CCDC191: variants seen among roughly 807,000 people sequenced by gnomAD.
CCDC191 encodes the protein coiled-coil domain containing 191.
A neutral mutation model predicts 114.0 loss-of-function variants in CCDC191; 99 were observed. The observed-to-expected ratio is 0.87, with a 90% CI of 0.74 to 1.03. The LOEUF is 1.03. Ranked by LOEUF, CCDC191 falls within the 50% of genes least tolerant of loss-of-function variation. The probability of loss-of-function intolerance (pLI) is 0.00; values close to 1 mark genes in which losing one functional copy is unlikely to be tolerated. For missense variants in CCDC191, 973 were observed against 1,087.0 expected, an observed-to-expected ratio of 0.90 and a Z score of 1.47; for synonymous variants, 351 against 376.0, an observed-to-expected ratio of 0.93 and a Z score of 0.77.
intron 13 of CCDC191, among the ~76,000 whole-genome samples, chr3:113,985,992 G>A (rs1354006168): frequency 6.6e-6 from 1 of 152,096 alleles, no homozygotes; most frequent in Admixed American, 6.6e-5. Flanking sequence ...TCAGAACAAG[G>A]CTCAGATATG....
intron 6 of CCDC191, among the ~76,000 whole-genome samples, chr3:114,033,100 T>TA (rs978777834): frequency 6.7e-6 from 1 of 148,778 alleles, no homozygotes; most frequent in African/African-American, 2.5e-5. Context: ...TTTTTTTTTT[T>TA]ATTTTCTGTT....
intron 2 of CCDC191, among the ~76,000 whole-genome samples, chr3:114,048,831 T>C (rs565986206): frequency 1.3e-5 from 2 of 152,356 alleles, no homozygotes; most frequent in East Asian, 1.9e-4. Context: ...AAGGAGAACC[T>C]GGCACCAAGA....
At chr3:114,021,406 A>G (rs953265013) in intron 7 of CCDC191, among the ~76,000 whole-genome samples, 1 of 152,016 alleles carries the variant, frequency 6.6e-6, no homozygotes, top group African/African-American at 2.4e-5. Context: ...TTGACTTGCT[A>G]TTGGTTTTTT....
At chr3:113,969,347 G>T (rs1467893861) in intron 16 of CCDC191, among the ~76,000 whole-genome samples, 1 of 152,140 alleles carries the variant, frequency 6.6e-6, no homozygotes, top group South Asian at 2.1e-4. Context: ...AAACTTTTTA[G>T]CTTGATGTAA....
rs376074287 is a variant in CCDC191, at chr3:113,994,343, T to C, written c.2163+7252A>G. ...CGCAAATAAACACCACAATGATATA[T>C]TACTACACACCTATTAGAACATATT... On this transcript the variant is annotated intron_variant, in intron 13 of 16. Coordinates refer to ENST00000295878, the MANE Select transcript of CCDC191 (RefSeq NM_020817.2). Among the ~76,000 whole-genome samples the C allele has an allele frequency of 2.4e-4, 36 of 152,268 alleles. 1 individual carries two copies. The South Asian group carries it at 6.6e-3, about 28-fold the overall frequency.
At chr3:113,976,733 A>AAGAT (rs371754640) in intron 16 of CCDC191, among the ~76,000 whole-genome samples, 70 of 152,186 alleles carry the variant, frequency 4.6e-4, no homozygotes, top group African/African-American at 1.2e-3. Flanking sequence ...AGCAATCCAT[A>AAGAT]AGATAGATAG....
chr3:114,001,749 G>T (rs989243268), intron 12 of CCDC191, 53 bp from the exon 13 acceptor site: 4 of 1,607,482 alleles, frequency 2.5e-6, no homozygotes, highest in Non-Finnish European at 3.4e-6. Flanking sequence ...GAACAGAAAT[G>T]TGATCTTTTA....
At chr3:114,008,623 A>G (rs1357965817) in intron 9 of CCDC191, among the ~76,000 whole-genome samples, 1 of 152,200 alleles carries the variant, frequency 6.6e-6, no homozygotes, top group African/African-American at 2.4e-5. Flanking sequence ...ACAACTGTGT[A>G]TAATACCAAA....
intron 2 of CCDC191, among the ~76,000 whole-genome samples, chr3:114,051,293 C>A (rs1296773197): frequency 4.6e-5 from 7 of 152,178 alleles, no homozygotes; most frequent in African/African-American, 1.7e-4. Flanking sequence ...TAACTTGAGT[C>A]CTTGAAAGGG....
intron 1 of CCDC191, 86 bp downstream of exon 1, chr3:114,056,291 G>A: frequency 2.3e-6 from 3 of 1,289,312 alleles, no homozygotes; most frequent in Middle Eastern, 3.8e-4. Context: ...GAAGAGGCAG[G>A]AAGCACAGAC....
chr3:114,018,997 T>C (rs2076206557), intron 7 of CCDC191, 129 bp from the exon 8 acceptor site: 2 of 798,372 alleles, frequency 2.5e-6, no homozygotes, highest in Non-Finnish European at 4.0e-6. Flanking sequence ...GTTGTCTTAA[T>C]GGAAAGGAAG....
In CCDC191 at chr3:114,034,918, G is replaced by A; in HGVS notation, c.818+7C>T. The A allele has an allele frequency of 1.9e-6, 3 of 1,612,636 alleles. No individual in the cohort carries two copies. The highest frequency in any genetic ancestry group is 2.5e-6 in the Non-Finnish European group (3 of 1,179,114). On this transcript the variant is annotated splice_region_variant and intron_variant, in intron 6 of 16. Transcript: ENST00000295878. ...GAAACCCCACAGTGCTTATCACACT[G>A]GCTTACATTTTCCATGCTGCTTTCA... is the stretch of plus-strand genomic sequence containing the variant.
chr3:114,048,355 G>T (rs945817655), intron 2 of CCDC191, among the ~76,000 whole-genome samples: 1 of 152,176 alleles, frequency 6.6e-6, no homozygotes, highest in South Asian at 2.1e-4. Context: ...CCACTCAAAA[G>T]CCTTCAGTGG....
chr3:113,964,949 C>T lies in CCDC191; in HGVS notation c.*206G>A, dbSNP rs1939961500. ...TCTCTAGAATGTTCCTTTGGATGAT[C>T]CCACTGTGATAAATGCTATAGTGAA... is the stretch of plus-strand genomic sequence containing the variant. On this transcript the variant is annotated 3_prime_UTR_variant, in exon 17 of 17. Coordinates refer to ENST00000295878, the MANE Select transcript of CCDC191 (RefSeq NM_020817.2). 2 of 387,640 alleles carry T rather than the reference C, an allele frequency of 5.2e-6. No homozygotes were observed. Among genetic ancestry groups the T allele is most frequent in the Admixed American group, 4.4e-5 (1 of 22,572 alleles). The allele number at this position is 387,640 out of a possible 1,614,324, so 24.0% of individuals were successfully genotyped here. A position where few individuals can be genotyped will look rare whatever the true frequency, so the allele number is the denominator to read the frequency against.
At chr3:113,992,518 A>T (rs573125127) in intron 13 of CCDC191, among the ~76,000 whole-genome samples, 1 of 152,304 alleles carries the variant, frequency 6.6e-6, no homozygotes, top group South Asian at 2.1e-4. Flanking sequence ...AAAATCTAAC[A>T]AAGAAAAACC....
chr3:114,004,719 T>C lies in CCDC191; in HGVS notation c.1896A>G (p.Glu632=). The C allele has an allele frequency of 6.2e-7, 1 of 1,612,226 alleles. No homozygotes were observed. Among genetic ancestry groups the C allele is most frequent in the South Asian group, 1.1e-5 (1 of 90,978 alleles). ...GAGAATTTCGGGAGTCACTTCTGCC[T>C]TCAGTCCCAGGGGAAGCAACAGGTG... ...VNSPVASPGT[E]GRSDSRNSLS... Residue 632 remains glutamate (E), a synonymous_variant, in exon 11 of 17, where the codon GAA becomes GAG. Coordinates refer to ENST00000295878, the MANE Select transcript of CCDC191 (RefSeq NM_020817.2).
chr3:114,053,786 A>G (rs1420470265), intron 1 of CCDC191, 151 bp from the exon 2 acceptor site: 1 of 509,600 alleles, frequency 2.0e-6, no homozygotes, highest in Non-Finnish European at 3.5e-6. Flanking sequence ...GATTAGCAAT[A>G]AAAGACACAG....
chr3:114,054,777 G>C lies in CCDC191; in HGVS notation c.91-1142C>G, dbSNP rs147524396. ...TCAGTCAGGTATTAATCTGAAATTA[G>C]AAGTAAAACTATCAGGACATTTCCT... On this transcript the variant is annotated intron_variant, in intron 1 of 16. Coordinates refer to ENST00000295878, the MANE Select transcript of CCDC191 (RefSeq NM_020817.2). 5.2e-3 allele frequency among the ~76,000 whole-genome samples: 788 copies of C among 152,238 alleles called. 8 individuals carry two copies. The highest frequency in any genetic ancestry group is 0.018 in the African/African-American group (753 of 41,538).
intron 1 of CCDC191, among the ~76,000 whole-genome samples, chr3:114,055,362 T>A (rs1577491908): frequency 6.6e-6 from 1 of 152,234 alleles, no homozygotes; most frequent in Non-Finnish European, 1.5e-5. Context: ...TTGGATCCAA[T>A]ACATTATGCA....
Sources: allele counts gnomAD v4.1 joint callset (sites outside exome capture counted in the v4.1 genomes callset), GRCh38; gene constraint gnomAD v4.1.1; transcripts MANE v1.5; gene names NCBI Gene and HGNC (gene_info 2026-07-23, HGNC 2026-07-21).